MYO18B: variants seen among roughly 807,000 people sequenced by gnomAD.
MYO18B encodes the protein unconventional myosin-XVIIIb.
In MYO18B, 204 loss-of-function variants were observed where a neutral mutation model predicts 273.0. That is an observed-to-expected ratio of 0.75 (90% CI 0.67 to 0.84). The LOEUF (loss-of-function observed/expected upper bound fraction) is 0.84. Among genes scored for constraint, MYO18B ranks in the 40% least tolerant of loss-of-function variants. The pLI is 0.00. For missense variants in MYO18B, 3,212 were observed against 3,287.6 expected, an observed-to-expected ratio of 0.98 and a Z score of 0.56; for synonymous variants, 1,330 against 1,305.7, an observed-to-expected ratio of 1.02 and a Z score of -0.40.
intron 29 of MYO18B, among the ~76,000 whole-genome samples, chr22:25,900,087 A>G (rs2091901476): frequency 6.6e-6 from 1 of 152,184 alleles, no homozygotes; most frequent in Non-Finnish European, 1.5e-5. Flanking sequence ...CTTTGGACAG[A>G]ATCCCTCATT....
intron 42 of MYO18B, among the ~76,000 whole-genome samples, chr22:26,019,612 G>A (rs956459605): frequency 6.6e-6 from 1 of 152,166 alleles, no homozygotes; most frequent in Non-Finnish European, 1.5e-5. Context: ...TGTTATTTTG[G>A]ACTCAGTTAC....
At chr22:25,790,985 C>G (rs1007005761) in intron 11 of MYO18B, among the ~76,000 whole-genome samples, 1 of 152,130 alleles carries the variant, frequency 6.6e-6, no homozygotes. Flanking sequence ...CCATCAGTGG[C>G]TCTTATTTGG....
At chr22:25,904,423 C>T (rs548368204) in intron 31 of MYO18B, among the ~76,000 whole-genome samples, 1 of 152,306 alleles carries the variant, frequency 6.6e-6, no homozygotes, top group East Asian at 1.9e-4. Flanking sequence ...ATTATCCCCA[C>T]TTTACGGATG....
At chr22:26,036,426 AGTGGTTGGGAT>A in the MYO18B span, among the ~76,000 whole-genome samples, 1 of 152,184 alleles carries the variant, frequency 6.6e-6, no homozygotes, top group Admixed American at 6.5e-5. Flanking sequence ...TCTAAGAGAC[AGTGGTTGGGAT>A]CCACTGTCCT....
downstream of MYO18B, among the ~76,000 whole-genome samples, chr22:26,032,454 C>G (rs562648975): frequency 6.6e-6 from 1 of 150,930 alleles, no homozygotes; most frequent in Admixed American, 6.6e-5. Flanking sequence ...ACATTTTTCT[C>G]TTATAAGAAC....
At chr22:25,956,875 C>T (rs988544071) in intron 39 of MYO18B, among the ~76,000 whole-genome samples, 4 of 152,148 alleles carry the variant, frequency 2.6e-5, no homozygotes, top group Admixed American at 6.5e-5. Context: ...TAATATGTCT[C>T]GGGCTACTGT....
Position 25,908,297 on chromosome 22 carries a change from C to T in MYO18B, c.5149-25C>T, listed in dbSNP as rs1002831698. ...GGAGAGTTAGAGTGGGTCACCCTCA[C>T]GTGCTGTCCTTGCTGCCCCCGCAGC... On this transcript the variant is annotated intron_variant, in intron 31 of 43. Transcript: ENST00000335473. The T allele has an allele frequency of 1.0e-5, 16 of 1,548,794 alleles. No homozygotes were observed. The Admixed American group carries it at 1.4e-4, about 13-fold the overall frequency.
At chr22:25,935,296 G>A (rs1437156477) in intron 34 of MYO18B, among the ~76,000 whole-genome samples, 1 of 152,182 alleles carries the variant, frequency 6.6e-6, no homozygotes, top group Non-Finnish European at 1.5e-5. Context: ...CTGCTACCAG[G>A]TAGTTACCTA....
At chr22:25,853,882 T>C (rs2748235) in intron 21 of MYO18B, among the ~76,000 whole-genome samples, 11,354 of 152,206 alleles carry the variant, frequency 0.075, 1,375 homozygotes, top group African/African-American at 0.26. Flanking sequence ...CATAGAATTT[T>C]GGTAGCAACG....
chr22:25,980,514 G>T (rs2093138075), intron 39 of MYO18B, among the ~76,000 whole-genome samples: 1 of 152,086 alleles, frequency 6.6e-6, no homozygotes, highest in South Asian at 2.1e-4. Context: ...ACTCCATTCT[G>T]CCTTTAATAT....
chr22:26,054,334 CTT>C, the MYO18B span, among the ~76,000 whole-genome samples: 1 of 152,208 alleles, frequency 6.6e-6, no homozygotes, highest in Admixed American at 6.5e-5. Context: ...GAGCCCACCC[CTT>C]TTGCAAGTCC....
In MYO18B at chr22:25,997,962, C is replaced by A. The variant is rs796459606; in HGVS notation, c.6288-5303C>A. Among the ~76,000 whole-genome samples the A allele has an allele frequency of 6.0e-3, 776 of 128,820 alleles. 4 individuals carry two copies. The highest frequency in any genetic ancestry group is 0.024 in the African/African-American group (719 of 30,184). 84.5% of individuals were successfully genotyped at this position (128,820 alleles called of 152,430 possible). ...ACACACACACACACACACACAAACA[C>A]ACACACACACACACACGAGAGAGAG... On this transcript the variant is annotated intron_variant, in intron 40 of 43. Coordinates refer to ENST00000335473, the MANE Select transcript of MYO18B (RefSeq NM_032608.7).
At chr22:25,851,617 A>G in intron 21 of MYO18B, 38 bp downstream of exon 21, 1 of 1,383,248 alleles carries the variant, frequency 7.2e-7, no homozygotes, top group South Asian at 1.2e-5. Context: ...AAGGCCCTAG[A>G]TATGGATATG....
chr22:25,876,067 C>A, intron 23 of MYO18B, 122 bp from the exon 24 acceptor site: 1 of 807,308 alleles, frequency 1.2e-6, no homozygotes, highest in Non-Finnish European at 1.9e-6. Context: ...GGTATCCAGT[C>A]CCTTCCACCG....
At position 25,768,840 on chromosome 22, in the gene MYO18B, C is replaced by T. The variant is rs771341524; in HGVS notation, c.924C>T (p.His308=). 1.6e-5 allele frequency: 25 copies of T among 1,612,014 alleles called. No homozygotes were observed. Among genetic ancestry groups the T allele is most frequent in the Admixed American group, 6.7e-5 (4 of 59,742 alleles). Residue 308 remains histidine, a synonymous_variant, in exon 4 of 44, where the codon CAC becomes CAT. Coordinates refer to ENST00000335473, the MANE Select transcript of MYO18B (RefSeq NM_032608.7). The part of the protein sequence containing the change: ...VSKDVGSEGK[H]VRPQIPGRKW... ...AGGACGTAGGGAGTGAAGGGAAGCA[C>T]GTAAGGCCCCAAATCCCTGGGAGAA...
At position 25,768,138 on chromosome 22, in the gene MYO18B, A is replaced by G. The variant is rs41281569; in HGVS notation, c.222A>G (p.Gln74=). ...EREIPEISIS[Q]PNSKSSSGTR... ...AGATCCCAGAAATTTCCATCAGCCA[A>G]CCCAACAGCAAGTCCAGCAGTGGCA... Residue 74 remains glutamine (Q), a synonymous_variant, in exon 4 of 44, where the codon CAA becomes CAG. Coordinates refer to ENST00000335473, the MANE Select transcript of MYO18B (RefSeq NM_032608.7). 4.5e-3 allele frequency: 7,180 copies of G among 1,604,070 alleles called. 177 individuals carry two copies. The African/African-American group carries it at 0.062, about 14-fold the overall frequency.
chr22:26,031,475 A>G (rs994131608), downstream of MYO18B, among the ~76,000 whole-genome samples: 4 of 152,130 alleles, frequency 2.6e-5, no homozygotes, highest in African/African-American at 9.7e-5. Flanking sequence ...TCTTCTGTTC[A>G]TGTCTGTATC....
At chr22:25,933,450 T>A (rs1356594544) in intron 34 of MYO18B, among the ~76,000 whole-genome samples, 2 of 151,834 alleles carry the variant, frequency 1.3e-5, no homozygotes, top group Non-Finnish European at 2.9e-5. Flanking sequence ...CCTGTCCCCT[T>A]CCACACAGGC....
intron 18 of MYO18B, among the ~76,000 whole-genome samples, chr22:25,844,517 C>T (rs1286339264): frequency 6.6e-6 from 1 of 152,192 alleles, no homozygotes; most frequent in Non-Finnish European, 1.5e-5. Context: ...ACTCACTACT[C>T]CCTATGTGCC....
Sources: allele counts gnomAD v4.1 joint callset (sites outside exome capture counted in the v4.1 genomes callset), GRCh38; gene constraint gnomAD v4.1.1; transcripts MANE v1.5; gene names NCBI Gene and HGNC (gene_info 2026-07-23, HGNC 2026-07-21).